Variants in WNK3 observed in about 807,000 individuals in gnomAD.
The protein encoded by WNK3 is serine/threonine-protein kinase WNK3.
A neutral mutation model predicts 116.7 loss-of-function variants in WNK3; 18 were observed. The ratio of observed to expected loss-of-function variants is 0.15; its 90% CI spans 0.11 to 0.23. WNK3 has a LOEUF of 0.23. WNK3 is among the 10% of genes least tolerant of loss of function. The pLI, the probability that WNK3 is intolerant of heterozygous loss-of-function variation, is 1.00. For missense variants in WNK3, 993 were observed against 1,323.8 expected, an observed-to-expected ratio of 0.75 and a Z score of 3.88; for synonymous variants, 404 against 469.4, an observed-to-expected ratio of 0.86 and a Z score of 1.80.
intron 1 of WNK3, among the ~76,000 whole-genome samples, chrX:54,345,286 GTA>G (rs1569539570): frequency 1.5e-5 from 1 of 68,523 alleles, no homozygotes; most frequent in African/African-American, 8.8e-5. Flanking sequence ...ATATATATAT[GTA>G]TGTATGTATG....
At chrX:54,348,476 T>C (rs2069468595) in intron 1 of WNK3, among the ~76,000 whole-genome samples, 1 of 111,685 alleles carries the variant, frequency 9.0e-6, no homozygotes, top group African/African-American at 3.2e-5. Context: ...CCTGCCAAGA[T>C]CAAAGGAAAT....
At chrX:54,255,589 A>G (rs2068183192) in intron 12 of WNK3, 151 bp downstream of exon 12, 2 of 432,233 alleles carry the variant, frequency 4.6e-6, no homozygotes, top group Admixed American at 9.9e-5. Context: ...CAACGAACAC[A>G]TAATACTCAC....
intron 1 of WNK3, among the ~76,000 whole-genome samples, chrX:54,354,538 G>T (rs1161457352): frequency 1.8e-5 from 2 of 110,555 alleles, no homozygotes; most frequent in Non-Finnish European, 3.8e-5. Flanking sequence ...TCAGGGAGGC[G>T]GAAGGAGGGG....
At position 54,269,832 on chromosome X, in the gene WNK3, G is replaced by GAT. The variant is rs199662952; in HGVS notation, c.2038-10496_2038-10495dup. Among the ~76,000 whole-genome samples the GAT allele has an allele frequency of 5.0e-3, 541 of 109,096 alleles. 5 individuals carry two copies. The highest frequency in any genetic ancestry group is 9.7e-3 in the Middle Eastern group (2 of 206). 94.7% of individuals were successfully genotyped at this position (109,096 alleles called of 115,157 possible). A position where few individuals can be genotyped will look rare whatever the true frequency, so the allele number is the denominator to read the frequency against. ...TATATCTTCATTTGCATTTCATGAA[G>GAT]ATATATATATATGAACACTCATCAA... On this transcript the variant is annotated intron_variant, in intron 10 of 23. Coordinates refer to ENST00000354646, the Ensembl canonical transcript of WNK3.
At chrX:54,316,656 C>T (rs782116939) in intron 2 of WNK3, among the ~76,000 whole-genome samples, 1 of 110,026 alleles carries the variant, frequency 9.1e-6, no homozygotes, top group South Asian at 3.9e-4. Context: ...TGATCTGGGA[C>T]TTATAATCTC....
chrX:54,356,401 C>G (rs936062361), intron 1 of WNK3, among the ~76,000 whole-genome samples: 2 of 111,503 alleles, frequency 1.8e-5, no homozygotes, highest in Admixed American at 9.6e-5. Flanking sequence ...ACCTCTGCCT[C>G]CCAGGTTCAA....
chrX:54,345,785 CAAA>C (rs372848363), intron 1 of WNK3, among the ~76,000 whole-genome samples: 4 of 40,449 alleles, frequency 9.9e-5, no homozygotes, highest in Admixed American at 3.3e-4. Context: ...GACTCAGTAT[CAAA>C]AAAAAAAAAA....
chrX:54,195,904 C>T (rs1376821657), exon 24 of WNK3: 2 of 111,448 alleles, frequency 1.8e-5, no homozygotes, highest in African/African-American at 6.5e-5. Context: ...AAAGGCAGAA[C>T]ATAGGATGTA....
At chrX:54,231,328 G>T (rs908151665) in intron 21 of WNK3, among the ~76,000 whole-genome samples, 72 of 111,730 alleles carry the variant, frequency 6.4e-4, no homozygotes, top group African/African-American at 2.2e-3. Context: ...TATTGTTGTT[G>T]TAACTAATTA....
chrX:54,212,761 A>G (rs782479254), intron 22 of WNK3, among the ~76,000 whole-genome samples: 6 of 111,914 alleles, frequency 5.4e-5, no homozygotes, highest in Admixed American at 9.6e-5. Flanking sequence ...AAGCAAATAG[A>G]TAAGTCGATA....
chrX:54,240,991 T>A (rs1266328567), intron 17 of WNK3, among the ~76,000 whole-genome samples: 1 of 111,652 alleles, frequency 9.0e-6, no homozygotes. Flanking sequence ...AATGGAAGAA[T>A]GAACTGGTTG....
At position 54,301,873 on chromosome X, in the gene WNK3, A is replaced by T; in HGVS notation, c.1090-14T>A. 8.5e-7 allele frequency: 1 copy of T among 1,175,708 alleles called. No homozygotes were observed. The highest frequency in any genetic ancestry group is 1.2e-6 in the Non-Finnish European group (1 of 864,544). Reference sequence around the variant, plus strand: ...TGGTTTTATGCCCTAGGAGAAAAAAATGGTTTCTAGTAACAATGATGCAAT... The same window carrying T: ...TGGTTTTATGCCCTAGGAGAAAAAATTGGTTTCTAGTAACAATGATGCAAT... On this transcript the variant is annotated splice_polypyrimidine_tract_variant and intron_variant, in intron 5 of 23. Coordinates refer to ENST00000354646, the Ensembl canonical transcript of WNK3.
intron 22 of WNK3, among the ~76,000 whole-genome samples, chrX:54,203,903 C>T (rs1557142182): frequency 9.1e-6 from 1 of 110,146 alleles, no homozygotes; most frequent in African/African-American, 3.3e-5. Context: ...ACCGAGATCA[C>T]GCCATTGTAC....
intron 12 of WNK3, among the ~76,000 whole-genome samples, chrX:54,254,539 A>C (rs2068169760): frequency 8.9e-6 from 1 of 112,001 alleles, no homozygotes; most frequent in African/African-American, 3.2e-5. Flanking sequence ...CTGATCCATG[A>C]ATCCGTCTCC....
intron 2 of WNK3, among the ~76,000 whole-genome samples, chrX:54,323,178 G>A (rs782203361): frequency 3.1e-4 from 35 of 111,318 alleles, no homozygotes; most frequent in Admixed American, 6.8e-4. Context: ...CCTTAACCAA[G>A]TGATCAAGAT....
chrX:54,249,216 T>A, exon 17 of WNK3: 1 of 1,211,907 alleles, frequency 8.3e-7, no homozygotes, highest in Non-Finnish European at 1.1e-6. Context: ...GCTGTACTGA[T>A]AAGGTTTGAG....
chrX:54,251,152 G>A (rs2068125178), intron 15 of WNK3, among the ~76,000 whole-genome samples: 1 of 111,641 alleles, frequency 9.0e-6, no homozygotes, highest in Admixed American at 9.6e-5. Context: ...TCAGTACTGT[G>A]ACTGCTTTTC....
At chrX:54,289,149 G>A (rs1414596374) in intron 10 of WNK3, among the ~76,000 whole-genome samples, 2 of 111,442 alleles carry the variant, frequency 1.8e-5, no homozygotes, top group Admixed American at 9.6e-5. Flanking sequence ...CAGACTGCAC[G>A]TGAGTCTTTG....
intron 2 of WNK3, among the ~76,000 whole-genome samples, chrX:54,332,698 T>G (rs782407075): frequency 1.5e-4 from 16 of 109,478 alleles, no homozygotes; most frequent in African/African-American, 4.6e-4. Context: ...ACCAGCCTGC[T>G]CAACATGGTG....
Sources: gnomAD v4.1 joint callset for allele counts (sites outside exome capture counted in the v4.1 genomes callset) on GRCh38, gnomAD v4.1.1 for gene constraint, MANE v1.5 for transcripts, NCBI Gene and HGNC (gene_info 2026-07-23, HGNC 2026-07-21) for gene names.